Variants in PHACTR2 observed in about 807,000 individuals in gnomAD.
The protein encoded by PHACTR2 is phosphatase and actin regulator 2.
In PHACTR2, 30 loss-of-function variants were observed where a neutral mutation model predicts 76.0. The ratio of observed to expected loss-of-function variants is 0.39; its 90% CI spans 0.30 to 0.54. The LOEUF (loss-of-function observed/expected upper bound fraction) is 0.54, where lower values mean the gene tolerates loss of function less well. PHACTR2 is among the 20% of genes least tolerant of loss of function. PHACTR2 has a pLI of 0.61. For missense variants in PHACTR2, 696 were observed against 781.1 expected, an observed-to-expected ratio of 0.89 and a Z score of 1.30; for synonymous variants, 292 against 292.5, an observed-to-expected ratio of 1.00 and a Z score of 0.02.
rs559428448 is a variant in PHACTR2, at chr6:143,557,619, A to G, written c.217+20412A>G. 6.6e-6 allele frequency: 1 copy of G among 152,416 alleles called. No individual in the cohort carries two copies. Among genetic ancestry groups the G allele is most frequent in the East Asian group, 1.9e-4 (1 of 5,180 alleles). The allele number at this position is 152,416 out of a possible 1,614,324, so 9.4% of individuals were successfully genotyped here. A position where few individuals can be genotyped will look rare whatever the true frequency, so the allele number is the denominator to read the frequency against. ...CATGTGGACCTGGTCCAGCTCTTCC[A>G]GACTCTTCCACACTCCAGTCGTTTT... On this transcript the variant is annotated intron_variant, in intron 1 of 11. Coordinates refer to the PHACTR2 transcript ENST00000367584. This position sits in a 1 kb window ranked among gnomAD's most constrained non-coding sequence, Gnocchi z 5.5.
At position 143,647,840 on chromosome 6, in the gene PHACTR2, A is replaced by G. The variant is rs1776687975; in HGVS notation, c.13+39518A>G. On this transcript the variant is annotated intron_variant, in intron 1 of 11. Transcript: ENST00000305766. The surrounding 1 kb of genome is among the most constrained non-coding windows in gnomAD (Gnocchi z 4.2). ...CTGGAAAGGGCAGGTAAGGGAGAGC[A>G]TAAGGGGAAATGGGCACAGAGCTAG... Among the ~76,000 whole-genome samples the G allele has an allele frequency of 6.6e-6, 1 of 152,212 alleles. No individual in the cohort carries two copies.
chr6:143,574,641 C>A (rs1257907095), intron 1 of PHACTR2, among the ~76,000 whole-genome samples: 1 of 150,266 alleles, frequency 6.7e-6, no homozygotes, highest in African/African-American at 2.5e-5. Context: ...AAAATGATTC[C>A]CCGGAATGTG....
At chr6:143,573,587 T>C (rs80342898) in intron 1 of PHACTR2, among the ~76,000 whole-genome samples, 4 of 23,762 alleles carry the variant, frequency 1.7e-4, no homozygotes, top group Non-Finnish European at 3.8e-4. Context: ...TTTTTTTTTT[T>C]TTCTAAGTAT....
chr6:143,740,196 A>G (rs1036357830), intron 2 of PHACTR2, among the ~76,000 whole-genome samples: 54 of 152,088 alleles, frequency 3.6e-4, no homozygotes, highest in African/African-American at 1.3e-3. Context: ...CCATTTGTAA[A>G]CTGTCATAGC....
At chr6:143,758,358 G>T (rs1779354423) in intron 4 of PHACTR2, among the ~76,000 whole-genome samples, 2 of 152,144 alleles carry the variant, frequency 1.3e-5, no homozygotes, top group Non-Finnish European at 2.9e-5. Flanking sequence ...ACACTATTGG[G>T]CTTAGTCTCC....
At position 143,595,071 on chromosome 6, in the gene PHACTR2, C is replaced by T. The variant is rs1195963330; in HGVS notation, c.217+57864C>T. ...GTCTTTTTCTGTTAGATCTTCAAAC[C>T]AGGTTTTAGAAGCAAGACAATTTTA... On this transcript the variant is annotated intron_variant, in intron 1 of 11. Coordinates refer to the PHACTR2 transcript ENST00000367584. This position sits in a 1 kb window ranked among gnomAD's most constrained non-coding sequence, Gnocchi z 4.2. Among the ~76,000 whole-genome samples the T allele has an allele frequency of 6.6e-6, 1 of 152,136 alleles. No individual in the cohort carries two copies. Among genetic ancestry groups the T allele is most frequent in the African/African-American group, 2.4e-5 (1 of 41,426 alleles).
In PHACTR2 at chr6:143,648,934, G is replaced by A. The variant is rs1231686885; in HGVS notation, c.13+40612G>A. On this transcript the variant is annotated intron_variant, in intron 1 of 11. Coordinates refer to the PHACTR2 transcript ENST00000305766. This position sits in a 1 kb window ranked among gnomAD's most constrained non-coding sequence, Gnocchi z 6.7. ...TGTCTGGGTCTATGTGTATGTCTAT[G>A]TCTATGTATGTTTGTGTGTGTCTGT... 1.9e-5 allele frequency among the ~76,000 whole-genome samples: 2 copies of A among 106,448 alleles called. No individual in the cohort carries two copies. Among genetic ancestry groups the A allele is most frequent in the Non-Finnish European group, 4.1e-5 (2 of 48,506 alleles). The allele number at this position is 106,448 out of a possible 152,430, so 69.8% of individuals were successfully genotyped here.
chr6:143,609,546 T>C (rs1177866770), intron 1 of PHACTR2, among the ~76,000 whole-genome samples: 2 of 152,116 alleles, frequency 1.3e-5, no homozygotes, highest in Non-Finnish European at 2.9e-5. Flanking sequence ...AAATGTACTA[T>C]AGGGCTTGTC....
chr6:143,686,697 G>A (rs1777534699), intron 1 of PHACTR2, among the ~76,000 whole-genome samples: 1 of 151,958 alleles, frequency 6.6e-6, no homozygotes, highest in Non-Finnish European at 1.5e-5. Context: ...ATGTTGGCCA[G>A]GCTCGTCTCG....
chr6:143,688,641 C>T lies in PHACTR2; in HGVS notation c.46+10432C>T, dbSNP rs1271855989. Reference sequence around the variant, plus strand: ...AGGAGTTATTCTTAAGTTTTCCTTTCCCCCTCCATATGGATCCATCAGCAG... The same window carrying T: ...AGGAGTTATTCTTAAGTTTTCCTTTTCCCCTCCATATGGATCCATCAGCAG... On this transcript the variant is annotated intron_variant, in intron 1 of 12. Transcript: ENST00000440869. This position sits in a 1 kb window ranked among gnomAD's most constrained non-coding sequence, Gnocchi z 5.2. 6.6e-6 allele frequency among the ~76,000 whole-genome samples: 1 copy of T among 152,178 alleles called. No homozygotes were observed. The highest frequency in any genetic ancestry group is 2.4e-5 in the African/African-American group (1 of 41,442).
chr6:143,805,091 G>T (rs1776035306), intron 11 of PHACTR2, among the ~76,000 whole-genome samples: 1 of 152,128 alleles, frequency 6.6e-6, no homozygotes, highest in Admixed American at 6.5e-5. Flanking sequence ...ACTCCCAGTG[G>T]ACCGCTTTTC....
intron 1 of PHACTR2, among the ~76,000 whole-genome samples, chr6:143,669,748 C>G (rs1156436161): frequency 2.6e-5 from 4 of 151,614 alleles, no homozygotes; most frequent in Non-Finnish European, 5.9e-5. Context: ...TCCTCCATCC[C>G]TTTATTTTGA....
In PHACTR2 at chr6:143,646,001, A is replaced by C. The variant is rs1776653947; in HGVS notation, c.13+37679A>C. Among the ~76,000 whole-genome samples the C allele has an allele frequency of 6.6e-6, 1 of 152,230 alleles. No individual in the cohort carries two copies. Among genetic ancestry groups the C allele is most frequent in the African/African-American group, 2.4e-5 (1 of 41,470 alleles). ...TCAAAATATATAACAATAGTCTATCAGAAAAGATGAAGCATAGATTTAAAA... is the reference window on the plus strand; with the variant it reads ...TCAAAATATATAACAATAGTCTATCCGAAAAGATGAAGCATAGATTTAAAA... On this transcript the variant is annotated intron_variant, in intron 1 of 11. Coordinates refer to the PHACTR2 transcript ENST00000305766. This position sits in a 1 kb window ranked among gnomAD's most constrained non-coding sequence, Gnocchi z 4.1.
Position 143,760,769 on chromosome 6 carries a change from G to C in PHACTR2, c.694+129G>C. 4 of 1,079,690 alleles carry C rather than the reference G, an allele frequency of 3.7e-6. No homozygotes were observed. The highest frequency in any genetic ancestry group is 5.2e-6 in the Non-Finnish European group (4 of 768,484). The allele number at this position is 1,079,690 out of a possible 1,614,324, so 66.9% of individuals were successfully genotyped here. A position where few individuals can be genotyped will look rare whatever the true frequency, so the allele number is the denominator to read the frequency against. ...ACATTACACCAGCAGGTTCAGCTTT[G>C]ACACAAAGAATGCCCAGGAGATTCC... is the stretch of plus-strand genomic sequence containing the variant. On this transcript the variant is annotated intron_variant, in intron 5 of 12. Transcript: ENST00000440869. The surrounding 1 kb of genome is among the most constrained non-coding windows in gnomAD (Gnocchi z 6.4).
At chr6:143,584,514 T>G (rs1775604909) in intron 1 of PHACTR2, among the ~76,000 whole-genome samples, 1 of 152,196 alleles carries the variant, frequency 6.6e-6, no homozygotes. Flanking sequence ...ACAGGCTGCC[T>G]TTACTGATGG....
rs925733767 is a variant in PHACTR2 at position 143,558,102 on chromosome 6, A to G, written c.217+20895A>G. The G allele has an allele frequency of 1.3e-5, 2 of 152,002 alleles. No homozygotes were observed. Among genetic ancestry groups the G allele is most frequent in the African/African-American group, 4.8e-5 (2 of 41,360 alleles). The allele number at this position is 152,002 out of a possible 1,614,324, so 9.4% of individuals were successfully genotyped here. On this transcript the variant is annotated intron_variant, in intron 1 of 11. Transcript: ENST00000367584. The surrounding 1 kb of genome is among the most constrained non-coding windows in gnomAD (Gnocchi z 4.7). ...TCTTCCTTGTCACCTAAGGTCCCTT[A>G]TGTCTTCATTTTTGCCCTGGATCCA...
chr6:143,766,128 G>C (rs540852652), intron 6 of PHACTR2, among the ~76,000 whole-genome samples: 2 of 152,248 alleles, frequency 1.3e-5, no homozygotes, highest in South Asian at 4.2e-4. Context: ...CTTTACCATT[G>C]TGCTTACCTA....
At chr6:143,786,001 T>A (rs984934241) in intron 10 of PHACTR2, among the ~76,000 whole-genome samples, 2 of 152,234 alleles carry the variant, frequency 1.3e-5, no homozygotes, top group Non-Finnish European at 2.9e-5. Context: ...GTCTTGAGGA[T>A]TAACATTAGC....
rs1776149551 is a variant in PHACTR2, at chr6:143,621,353, C to T, written c.13+13031C>T. ...CGAATGAGTTCCTGTGGATCCCGAGCCCTCTCAGGCCTCCTCGGTGCAGAA... is the reference window on the plus strand; with the variant it reads ...CGAATGAGTTCCTGTGGATCCCGAGTCCTCTCAGGCCTCCTCGGTGCAGAA... On this transcript the variant is annotated intron_variant, in intron 1 of 11. Transcript: ENST00000305766. The surrounding 1 kb of genome is among the most constrained non-coding windows in gnomAD (Gnocchi z 4.1). 6.6e-6 allele frequency among the ~76,000 whole-genome samples: 1 copy of T among 152,182 alleles called. No individual in the cohort carries two copies. Among genetic ancestry groups the T allele is most frequent in the South Asian group, 2.1e-4 (1 of 4,822 alleles).
Sources: allele counts gnomAD v4.1 joint callset (sites outside exome capture counted in the v4.1 genomes callset), GRCh38; gene constraint gnomAD v4.1.1; non-coding constraint Gnocchi (gnomAD v3.1); transcripts MANE v1.5; gene names NCBI Gene and HGNC (gene_info 2026-07-23, HGNC 2026-07-21).